Variants in JAK3 observed in about 807,000 individuals in gnomAD.
JAK3 encodes tyrosine-protein kinase JAK3.
A neutral mutation model predicts 120.8 loss-of-function variants in JAK3; 88 were observed. The ratio of observed to expected loss-of-function variants is 0.73; its 90% CI spans 0.61 to 0.87. The LOEUF (loss-of-function observed/expected upper bound fraction) is 0.87, where lower values mean the gene tolerates loss of function less well. Among genes scored for constraint, JAK3 ranks in the 40% least tolerant of loss-of-function variants. The pLI is 0.00. For synonymous variants in JAK3, 592 were observed against 628.6 expected, an observed-to-expected ratio of 0.94 and a Z score of 0.87; for missense variants, 1,254 against 1,501.4, an observed-to-expected ratio of 0.84 and a Z score of 2.72.
At position 17,844,286 on chromosome 19, in the gene JAK3, G is replaced by A; in HGVS notation, c.132C>T (p.Ser44=). 4.4e-6 allele frequency: 7 copies of A among 1,606,778 alleles called. No individual in the cohort carries two copies. Among genetic ancestry groups the A allele is most frequent in the Non-Finnish European group, 5.1e-6 (6 of 1,177,490 alleles). The change falls in exon 2 of 24, where the codon TCC becomes TCT. Residue 44 remains serine, a synonymous_variant. Transcript: ENST00000458235. ...GPGPPQRLSF[S]FGDHLAEDLC... ...GGTCCTCAGCCAAGTGGTCCCCAAA[G>A]GAGAAAGATAGGCGCTGGGGGGGCC...
At position 17,843,420 on chromosome 19, in the gene JAK3, G is replaced by A; in HGVS notation, c.380C>T (p.Ala127Val). The A allele has an allele frequency of 6.3e-7, 1 of 1,596,524 alleles. No homozygotes were observed. The highest frequency in any genetic ancestry group is 8.5e-7 in the Non-Finnish European group (1 of 1,172,022). The change falls in exon 4 of 24, where the codon GCT becomes GTT. Residue 127 changes from alanine to valine, a missense_variant. This residue lies in a region of JAK3 where 138 missense variants were observed against 178.7 expected (regional missense o/e 0.77). Coordinates refer to ENST00000458235, the MANE Select transcript of JAK3 (RefSeq NM_000215.4). The surrounding 1 kb of genome is among the most constrained non-coding windows in gnomAD (Gnocchi z 5.4). ...CTCCAGGACTGGCAGGTCAAGGATA[G>A]CACTGGCCAAATCCTTGCGTAGCCC... ...RFGLRKDLAS[A>V]ILDLPVLEHL...
Position 17,831,723 on chromosome 19 carries a change from G to A in JAK3, c.2756C>T (p.Ala919Val), listed in dbSNP as rs767424476. The A allele has an allele frequency of 1.4e-5, 23 of 1,611,676 alleles. No homozygotes were observed. The African/African-American group carries it at 2.1e-4, about 15-fold the overall frequency. Residue 919 changes from alanine to valine, a missense_variant, in exon 20 of 24, where the codon GCG (alanine) becomes GTG (valine). Physicochemically the swap from Ala to Val is moderately conservative, Grantham distance 64. This residue lies in a region of JAK3 where 630 missense variants were observed against 819.8 expected (regional missense o/e 0.77). Transcript: ENST00000458235. This position sits in a 1 kb window ranked among gnomAD's most constrained non-coding sequence, Gnocchi z 5.1. ...CLRDFLQRHR[A>V]RLDASRLLLY... Reference sequence around the variant, plus strand: ...AAGGAGGCGGCTGGCATCGAGGCGCGCGCGGTGCCGCTGCAGGAAGTCGCG... The same window carrying A: ...AAGGAGGCGGCTGGCATCGAGGCGCACGCGGTGCCGCTGCAGGAAGTCGCG...
chr19:17,847,897 A>C, intron 1 of JAK3, 49 bp downstream of exon 1: 10 of 695,056 alleles, frequency 1.4e-5, no homozygotes, highest in African/African-American at 2.0e-5. Context: ...CGCCACCACC[A>C]TCCTCCCCCA....
In JAK3 at chr19:17,843,053, C is replaced by G; in HGVS notation, c.540G>C (p.Arg180=). 6.2e-7 allele frequency: 1 copy of G among 1,610,804 alleles called. No homozygotes were observed. The highest frequency in any genetic ancestry group is 1.1e-5 in the South Asian group (1 of 91,078). The part of the protein sequence containing the change: ...LARMAREQAQ[R]PGELLKTVSY... ...TGACAGTCTTCAGCAGCTCTCCCGG[C>G]CGCTGGGCCTGCTCTCGCGCCATCC... The change falls in exon 5 of 24, where the codon CGG becomes CGC. Residue 180 remains arginine, a synonymous_variant. Coordinates refer to ENST00000458235, the MANE Select transcript of JAK3 (RefSeq NM_000215.4). The surrounding 1 kb of genome is among the most constrained non-coding windows in gnomAD (Gnocchi z 5.4).
chr19:17,840,975 C>G (rs2094237089), intron 8 of JAK3, among the ~76,000 whole-genome samples: 1 of 151,874 alleles, frequency 6.6e-6, no homozygotes, highest in African/African-American at 2.4e-5. Flanking sequence ...ACCACCACAC[C>G]CAGCTATTTT....
chr19:17,837,408 TTTTTG>T (rs552562879), intron 12 of JAK3, among the ~76,000 whole-genome samples, 195 bp from the exon 13 acceptor site: 5 of 151,970 alleles, frequency 3.3e-5, no homozygotes, highest in African/African-American at 7.3e-5. Context: ...CATCTATGGT[TTTTTG>T]TTTTGTTTTG....
intron 1 of JAK3, 37 bp from the exon 2 acceptor site, chr19:17,844,467 C>A: frequency 6.4e-7 from 1 of 1,557,500 alleles, no homozygotes; most frequent in South Asian, 1.2e-5. Flanking sequence ...CAGTCCTGGT[C>A]AGAGGGGATT....
chr19:17,834,828 C>T lies in JAK3; in HGVS notation c.2199+24G>A, dbSNP rs182051203. On this transcript the variant is annotated intron_variant, in intron 16 of 23. Transcript: ENST00000458235. ...TCTGTCAAAGTGGGGGTTCGGAGAC[C>T]GATGCCGGGTGAGGGGCTCTGACCT... is the stretch of plus-strand genomic sequence containing the variant. 87 of 1,613,656 alleles carry T rather than the reference C, an allele frequency of 5.4e-5. No homozygotes were observed. In the Middle Eastern group the frequency reaches 9.9e-4, roughly 18 times the overall value.
chr19:17,845,264 T>C (rs973953167), intron 1 of JAK3, among the ~76,000 whole-genome samples: 10 of 151,934 alleles, frequency 6.6e-5, no homozygotes, highest in Non-Finnish European at 1.2e-4. Context: ...GCCTCCCAAG[T>C]TCAAGAGATT....
chr19:17,831,512 C>A lies in JAK3; in HGVS notation c.2806-112G>T. The A allele has an allele frequency of 1.3e-6, 2 of 1,519,892 alleles. No individual in the cohort carries two copies. Among genetic ancestry groups the A allele is most frequent in the Non-Finnish European group, 8.9e-7 (1 of 1,122,024 alleles). 94.2% of individuals were successfully genotyped at this position (1,519,892 alleles called of 1,614,324 possible). A position where few individuals can be genotyped will look rare whatever the true frequency, so the allele number is the denominator to read the frequency against. On this transcript the variant is annotated intron_variant, in intron 20 of 23. Coordinates refer to ENST00000458235, the MANE Select transcript of JAK3 (RefSeq NM_000215.4). The surrounding 1 kb of genome is among the most constrained non-coding windows in gnomAD (Gnocchi z 5.1). Reference sequence around the variant, plus strand: ...CCCCAACTATAACCCTACCCCCGAGCCATCCTCCACTGAAGTTCTGATCCT... The same window carrying A: ...CCCCAACTATAACCCTACCCCCGAGACATCCTCCACTGAAGTTCTGATCCT...
At position 17,831,168 on chromosome 19, in the gene JAK3, G is replaced by A. The variant is rs2147675497; in HGVS notation, c.2978+60C>T. 6.4e-7 allele frequency: 1 copy of A among 1,554,696 alleles called. No homozygotes were observed. The highest frequency in any genetic ancestry group is 1.4e-5 in the African/African-American group (1 of 70,486). ...AGCAGCGGGAGGGGGCGGGGGCATG[G>A]CTGGGGGCGGAGCCAGAGCCGTGGG... is the stretch of plus-strand genomic sequence containing the variant. On this transcript the variant is annotated intron_variant, in intron 21 of 23. Transcript: ENST00000458235. This position sits in a 1 kb window ranked among gnomAD's most constrained non-coding sequence, Gnocchi z 5.1.
intron 1 of JAK3, among the ~76,000 whole-genome samples, chr19:17,847,426 G>T (rs1453318713): frequency 6.6e-6 from 1 of 152,176 alleles, no homozygotes; most frequent in African/African-American, 2.4e-5. Flanking sequence ...TTTGGTCCCA[G>T]AAAACGCCAT....
intron 23 of JAK3, among the ~76,000 whole-genome samples, chr19:17,828,225 C>CTTTGT (rs71967621): frequency 0.026 from 3,577 of 137,474 alleles, 77 homozygotes; most frequent in Middle Eastern, 0.056. Flanking sequence ...ATAATTTTGT[C>CTTTGT]TTTGTTTTGT....
At position 17,841,472 on chromosome 19, in the gene JAK3, C is replaced by T; in HGVS notation, c.1059G>A (p.Thr353=). ...CCTTGCAGAAGAAGTGCTGGGAGTC[C>T]GTGGTCAGCCGGAAGTAGCCGTCCA... ...ALVDGYFRLT[T]DSQHFFCKEV... The change falls in exon 8 of 24, where the codon ACG becomes ACA. Residue 353 remains threonine, a synonymous_variant. Coordinates refer to ENST00000458235, the MANE Select transcript of JAK3 (RefSeq NM_000215.4). This position sits in a 1 kb window ranked among gnomAD's most constrained non-coding sequence, Gnocchi z 4.1. The T allele has an allele frequency of 6.4e-7, 1 of 1,560,956 alleles. No homozygotes were observed. The highest frequency in any genetic ancestry group is 8.7e-7 in the Non-Finnish European group (1 of 1,152,340).
Position 17,831,110 on chromosome 19 carries a change from C to A in JAK3, c.2978+118G>T, listed in dbSNP as rs1337120148. 2.1e-5 allele frequency: 21 copies of A among 1,012,274 alleles called. No homozygotes were observed. The highest frequency in any genetic ancestry group is 2.7e-5 in the Non-Finnish European group (20 of 730,256). 62.7% of individuals were successfully genotyped at this position (1,012,274 alleles called of 1,614,324 possible). A position where few individuals can be genotyped will look rare whatever the true frequency, so the allele number is the denominator to read the frequency against. ...GGAGTGGGAGGGGCCAAAGCTGCAG[C>A]GGAGGAAGGGCGGGGCTAAGGCTGG... On this transcript the variant is annotated intron_variant, in intron 21 of 23. Transcript: ENST00000458235. This position sits in a 1 kb window ranked among gnomAD's most constrained non-coding sequence, Gnocchi z 5.1.
chr19:17,838,494 C>T (rs2094229921), intron 10 of JAK3, 104 bp from the exon 11 acceptor site: 1 of 1,322,582 alleles, frequency 7.6e-7, no homozygotes, highest in Admixed American at 1.8e-5. Context: ...AGAAGCCGAC[C>T]CTGAGATGAA....
chr19:17,841,397 G>A lies in JAK3; in HGVS notation c.1134C>T (p.Gly378=), dbSNP rs1262667010. 1.3e-6 allele frequency: 2 copies of A among 1,550,272 alleles called. No individual in the cohort carries two copies. Among genetic ancestry groups the A allele is most frequent in the Admixed American group, 3.9e-5 (2 of 51,212 alleles). Residue 378 remains glycine, a synonymous_variant, in exon 8 of 24, where the codon GGC becomes GGT. Coordinates refer to ENST00000458235, the MANE Select transcript of JAK3 (RefSeq NM_000215.4). This position sits in a 1 kb window ranked among gnomAD's most constrained non-coding sequence, Gnocchi z 4.1. ...LLEEVAEQCH[G]PITLDFAINK... ...GGGGGACAGGTCCTTACGTGATGGG[G>A]CCGTGGCACTGCTCGGCCACTTCCT...
At chr19:17,845,298 G>A (rs1444304638) in intron 1 of JAK3, among the ~76,000 whole-genome samples, 1 of 152,126 alleles carries the variant, frequency 6.6e-6, no homozygotes, top group African/African-American at 2.4e-5. Flanking sequence ...CACCCCAGTA[G>A]CTGGGATTAC....
chr19:17,844,308 G>A lies in JAK3; in HGVS notation c.110C>T (p.Pro37Leu), dbSNP rs200960683. 2 of 1,608,364 alleles carry A rather than the reference G, an allele frequency of 1.2e-6. No individual in the cohort carries two copies. The highest frequency in any genetic ancestry group is 1.3e-5 in the African/African-American group (1 of 74,968). Residue 37 changes from proline (P) to leucine (L), a missense_variant, in exon 2 of 24, where the codon CCC (proline) becomes CTC (leucine). Transcript: ENST00000458235. ...AAAGGAGAAAGATAGGCGCTGGGGGGGCCCGGGGCCCCGAGCGGGCAGCAG... is the reference window on the plus strand; with the variant it reads ...AAAGGAGAAAGATAGGCGCTGGGGGAGCCCGGGGCCCCGAGCGGGCAGCAG... The part of the protein sequence containing the change: ...HVLLPARGPG[P>L]PQRLSFSFGD...
Sources: gnomAD v4.1 joint callset for allele counts (sites outside exome capture counted in the v4.1 genomes callset) on GRCh38, gnomAD v4.1.1 for gene constraint, gnomAD v4.1.1 regional missense constraint, Gnocchi (gnomAD v3.1) non-coding constraint, MANE v1.5 for transcripts, NCBI Gene and HGNC (gene_info 2026-07-23, HGNC 2026-07-21) for gene names.